Variants in HPGDS observed in about 807,000 individuals in gnomAD.
The protein encoded by HPGDS is hematopoietic prostaglandin D synthase, also known as GST class-sigma.
HPGDS carries 26 observed loss-of-function variants against 23.1 expected under a neutral mutation model. The ratio of observed to expected loss-of-function variants is 1.13; its 90% CI spans 0.83 to 1.56. HPGDS has a LOEUF of 1.56. Among genes scored for constraint, HPGDS ranks in the 40% most tolerant of loss-of-function variants. The pLI is 0.00. For synonymous variants in HPGDS, 95 were observed against 77.9 expected (o/e 1.22, Z -1.16); for missense variants, 268 against 236.4 (o/e 1.13, Z -0.88).
At chr4:94,308,571 C>G (rs191340892) in intron 4 of HPGDS, 63 bp downstream of exon 4, 2 of 805,368 alleles carry the variant, frequency 2.5e-6, no homozygotes, top group Admixed American at 4.0e-5. Context: ...TCTAAGGCAC[C>G]TAACACAATG....
chr4:94,318,570 T>C (rs1036382196), intron 2 of HPGDS, among the ~76,000 whole-genome samples: 1 of 152,160 alleles, frequency 6.6e-6, no homozygotes, highest in Non-Finnish European at 1.5e-5. Context: ...CTAGTTTTAT[T>C]CCACTGTGGT....
At chr4:94,311,814 G>T (rs1314795709) in intron 3 of HPGDS, among the ~76,000 whole-genome samples, 1 of 151,260 alleles carries the variant, frequency 6.6e-6, no homozygotes, top group Non-Finnish European at 1.5e-5. Flanking sequence ...CTCAATTTGA[G>T]AGTCTGTTAT....
chr4:94,325,978 G>GTTT (rs111331217), intron 2 of HPGDS, among the ~76,000 whole-genome samples: 27 of 141,958 alleles, frequency 1.9e-4, no homozygotes, highest in African/African-American at 6.1e-4. Context: ...TGGCTGACAG[G>GTTT]TTTTTTTTTT....
At chr4:94,342,529 G>T (rs1721193772) in intron 1 of HPGDS, among the ~76,000 whole-genome samples, 2 of 152,076 alleles carry the variant, frequency 1.3e-5, no homozygotes, top group African/African-American at 2.4e-5. Flanking sequence ...CTCTAGCATT[G>T]ATTATATTTT....
chr4:94,301,749 T>A (rs1756044407), intron 5 of HPGDS, among the ~76,000 whole-genome samples: 1 of 152,102 alleles, frequency 6.6e-6, no homozygotes, highest in Non-Finnish European at 1.5e-5. Flanking sequence ...TAGTATATGA[T>A]TTTTTGTTGT....
At chr4:94,340,001 C>A (rs564100916) in intron 1 of HPGDS, among the ~76,000 whole-genome samples, 1 of 152,298 alleles carries the variant, frequency 6.6e-6, no homozygotes, top group South Asian at 2.1e-4. Flanking sequence ...TGTGGAACTG[C>A]AGTGCAGTGG....
chr4:94,306,740 G>C (rs1756145624), intron 4 of HPGDS, among the ~76,000 whole-genome samples: 1 of 151,944 alleles, frequency 6.6e-6, no homozygotes. Flanking sequence ...TAGAACTCAA[G>C]GACTGATGAG....
intron 2 of HPGDS, among the ~76,000 whole-genome samples, chr4:94,323,830 T>C (rs999899203): frequency 4.6e-5 from 7 of 152,180 alleles, no homozygotes; most frequent in African/African-American, 7.2e-5. Context: ...TTTTGCCCAT[T>C]AGTTGATGCA....
At position 94,337,790 on chromosome 4, in the gene HPGDS, T is replaced by C. The variant is rs538763032; in HGVS notation, c.-9-3152A>G. On this transcript the variant is annotated intron_variant, in intron 1 of 5. Transcript: ENST00000295256. ...TGTTGAATTCTGCATGAAAACAAAG[T>C]GATTGTTTTTTATTATTGTTAATTT... 7.2e-5 allele frequency among the ~76,000 whole-genome samples: 11 copies of C among 152,338 alleles called. No homozygotes were observed. In the South Asian group the frequency reaches 2.3e-3, roughly 32 times the overall value.
chr4:94,301,820 A>G (rs867570422), intron 5 of HPGDS, among the ~76,000 whole-genome samples: 1 of 152,120 alleles, frequency 6.6e-6, no homozygotes, highest in South Asian at 2.1e-4. Context: ...TACAAATGAT[A>G]CTTCTTGAAA....
intron 3 of HPGDS, among the ~76,000 whole-genome samples, chr4:94,309,950 A>G (rs1756226961): frequency 1.3e-5 from 2 of 152,096 alleles, no homozygotes; most frequent in African/African-American, 4.8e-5. Context: ...GTCTGTTCAT[A>G]TCTTTCGCCC....
chr4:94,312,831 G>A (rs1207500070), intron 3 of HPGDS, among the ~76,000 whole-genome samples: 2 of 152,184 alleles, frequency 1.3e-5, no homozygotes, highest in African/African-American at 4.8e-5. Flanking sequence ...TGTATTGGGT[G>A]CATATATATT....
In HPGDS at chr4:94,327,268, G is replaced by A. The variant is rs868248040; in HGVS notation, c.133+7229C>T. On this transcript the variant is annotated intron_variant, in intron 2 of 5. Coordinates refer to ENST00000295256, the MANE Select transcript of HPGDS (RefSeq NM_014485.3). The stretch of plus-strand genomic sequence containing the variant: ...ATGATGTGCACAAGCACTGGTGGTG[G>A]CTGGTGGAGTAGGTTGATCCTCAGG... 4.2e-4 allele frequency among the ~76,000 whole-genome samples: 64 copies of A among 152,168 alleles called. 1 individual carries two copies. The highest frequency in any genetic ancestry group is 3.2e-3 in the Middle Eastern group (1 of 316).
At chr4:94,340,288 TCTTTCTTTCTTTCTTTCTTTCTC>T (rs1721114256) in intron 1 of HPGDS, among the ~76,000 whole-genome samples, 1 of 70,826 alleles carries the variant, frequency 1.4e-5, no homozygotes, top group African/African-American at 4.7e-5. Flanking sequence ...TTTCTTTCTT[TCTTTCTTTCTTTCTTTCTTTCTC>T]TTTTTTTTTT....
intron 1 of HPGDS, among the ~76,000 whole-genome samples, chr4:94,339,244 T>C (rs1721086730): frequency 6.6e-6 from 1 of 152,234 alleles, no homozygotes; most frequent in Non-Finnish European, 1.5e-5. Context: ...GTTAGCTTCA[T>C]TTCTGAACCC....
At chr4:94,336,355 A>G (rs944666508) in intron 1 of HPGDS, among the ~76,000 whole-genome samples, 1 of 152,170 alleles carries the variant, frequency 6.6e-6, no homozygotes, top group Admixed American at 6.5e-5. Flanking sequence ...CTGGTTGCCT[A>G]TCTAGAAGCT....
intron 1 of HPGDS, among the ~76,000 whole-genome samples, chr4:94,340,849 C>CTTTT (rs1423281964): frequency 8.8e-6 from 1 of 113,588 alleles, no homozygotes; most frequent in Non-Finnish European, 1.7e-5. Flanking sequence ...TTTTTTCTTT[C>CTTTT]TTTTTTTTTT....
chr4:94,300,158 A>T (rs1346936743), intron 5 of HPGDS, among the ~76,000 whole-genome samples: 56 of 152,126 alleles, frequency 3.7e-4, no homozygotes, highest in Non-Finnish European at 1.2e-4. Flanking sequence ...GGACCTTTGT[A>T]TTTCATCTTA....
rs187602880 is a variant in HPGDS, at chr4:94,340,429, C to T, written c.-10+2366G>A. ...TCTCCACTCACTGCAAGCTCCACCT[C>T]CCGGGTTCACGCCATTCTCCTGCCT... On this transcript the variant is annotated intron_variant, in intron 1 of 5. Coordinates refer to ENST00000295256, the MANE Select transcript of HPGDS (RefSeq NM_014485.3). 9.5e-4 allele frequency among the ~76,000 whole-genome samples: 133 copies of T among 140,306 alleles called. 1 individual carries two copies. In the East Asian group the frequency reaches 0.024, roughly 25 times the overall value. 92.0% of individuals were successfully genotyped at this position (140,306 alleles called of 152,430 possible). A position where few individuals can be genotyped will look rare whatever the true frequency, so the allele number is the denominator to read the frequency against.
Sources: gnomAD v4.1 joint callset for allele counts (sites outside exome capture counted in the v4.1 genomes callset) on GRCh38, gnomAD v4.1.1 for gene constraint, MANE v1.5 for transcripts, NCBI Gene and HGNC (gene_info 2026-07-23, HGNC 2026-07-21) for gene names.